Variants in RMDN1 observed in about 807,000 individuals in gnomAD.
RMDN1 encodes regulator of microtubule dynamics protein 1.
A neutral mutation model predicts 48.9 loss-of-function variants in RMDN1; 48 were observed. That is an observed-to-expected ratio of 0.98 (90% CI 0.78 to 1.25). The LOEUF is 1.25. RMDN1 is among the 50% of genes most tolerant of loss of function. The pLI is 0.00. For missense variants in RMDN1, 418 were observed against 373.4 expected, an observed-to-expected ratio of 1.12 and a Z score of -0.98; for synonymous variants, 148 against 132.6, an observed-to-expected ratio of 1.12 and a Z score of -0.80.
chr8:86,511,196 C>G (rs1319261821), upstream of RMDN1, among the ~76,000 whole-genome samples: 1 of 151,584 alleles, frequency 6.6e-6, no homozygotes, highest in Non-Finnish European at 1.5e-5. Flanking sequence ...TAAAGAAGTT[C>G]GGGCACGGTG....
chr8:86,492,403 A>G (rs1816660416), intron 2 of RMDN1, among the ~76,000 whole-genome samples: 1 of 152,090 alleles, frequency 6.6e-6, no homozygotes. Flanking sequence ...TTACAATCCT[A>G]GCACTTTGGG....
At chr8:86,472,012 T>C (rs1812638259), downstream of RMDN1, among the ~76,000 whole-genome samples, 1 of 152,216 alleles carries the variant, frequency 6.6e-6, no homozygotes, top group Non-Finnish European at 1.5e-5. Flanking sequence ...AATTTGAATA[T>C]GGGTAGATAT....
At chr8:86,485,083 A>G (rs1815238824) in intron 4 of RMDN1, 122 bp from the exon 5 acceptor site, 3 of 566,296 alleles carry the variant, frequency 5.3e-6, no homozygotes, top group Non-Finnish European at 9.2e-6. Context: ...GAGCATAAAA[A>G]CTGTATTAAA....
chr8:86,500,785 A>G (rs1818080000), intron 2 of RMDN1, among the ~76,000 whole-genome samples: 1 of 152,188 alleles, frequency 6.6e-6, no homozygotes, highest in South Asian at 2.1e-4. Context: ...AACACATGCA[A>G]TCAACTGAGA....
At chr8:86,501,475 C>G (rs1184341743) in intron 2 of RMDN1, among the ~76,000 whole-genome samples, 2 of 152,044 alleles carry the variant, frequency 1.3e-5, no homozygotes, top group Non-Finnish European at 2.9e-5. Context: ...GAGTTCAAGA[C>G]CAGCCCAGAC....
rs114919509 is a variant in RMDN1, at chr8:86,505,118, G to A, written c.247+1877C>T. 44 of 1,339,428 alleles carry A rather than the reference G, an allele frequency of 3.3e-5. 1 individual carries two copies. In the Middle Eastern group the frequency reaches 3.3e-3, roughly 100 times the overall value. The allele number at this position is 1,339,428 out of a possible 1,614,324, so 83.0% of individuals were successfully genotyped here. On this transcript the variant is annotated intron_variant, in intron 2 of 9. Coordinates refer to ENST00000406452, the MANE Select transcript of RMDN1 (RefSeq NM_016033.3). ...CAGCATGGGAAAGCCACCTCTCCCT[G>A]AATGAGAGACCTCATCAGGATGAAC... is the stretch of plus-strand genomic sequence containing the variant.
downstream of RMDN1, chr8:86,468,411 G>C (rs1369113332): frequency 2.2e-6 from 1 of 448,854 alleles, no homozygotes; most frequent in African/African-American, 2.0e-5. Flanking sequence ...GAACACTCTG[G>C]TAATTTTCAA....
intron 5 of RMDN1, chr8:86,482,154 C>T: frequency 2.1e-6 from 1 of 476,470 alleles, no homozygotes; most frequent in Non-Finnish European, 3.8e-6. Context: ...GTAATCTCAG[C>T]ATTTTGGGAG....
chr8:86,490,114 T>G (rs1417661004), intron 2 of RMDN1, among the ~76,000 whole-genome samples: 2 of 152,218 alleles, frequency 1.3e-5, no homozygotes, highest in East Asian at 3.8e-4. Context: ...TATTCTATAT[T>G]TTTATCGGAT....
chr8:86,489,755 G>A (rs78435601), intron 2 of RMDN1, among the ~76,000 whole-genome samples: 40,006 of 150,998 alleles, frequency 0.26, 6,170 homozygotes, highest in East Asian at 0.53. Flanking sequence ...GCTTGAACCC[G>A]GGAAGCAGAG....
chr8:86,474,358 T>C lies in RMDN1; in HGVS notation c.895A>G (p.Ile299Val). 4 of 1,608,030 alleles carry C rather than the reference T, an allele frequency of 2.5e-6. No homozygotes were observed. The highest frequency in any genetic ancestry group is 2.2e-5 in the East Asian group (1 of 44,772). ...AGCAACTGAGCAGCTTCTGTCTGTATCTAAAATGGAAAAATACATGTTATA... is the reference window on the plus strand; with the variant it reads ...AGCAACTGAGCAGCTTCTGTCTGTACCTAAAATGGAAAAATACATGTTATA... ...YPAHTEEDKQ[I>V]QTEAAQLLTS... Residue 299 changes from isoleucine (I) to valine (V), a missense_variant and splice_region_variant, in exon 10 of 10, where the codon ATA (isoleucine) becomes GTA (valine). Coordinates refer to ENST00000406452, the MANE Select transcript of RMDN1 (RefSeq NM_016033.3).
At chr8:86,493,469 C>T (rs934749617) in intron 2 of RMDN1, among the ~76,000 whole-genome samples, 9 of 152,240 alleles carry the variant, frequency 5.9e-5, no homozygotes, top group African/African-American at 1.9e-4. Context: ...AAGTAGCACA[C>T]ATACACAAAT....
upstream of RMDN1, among the ~76,000 whole-genome samples, chr8:86,512,723 T>C (rs201628332): frequency 8.8e-6 from 1 of 113,740 alleles, no homozygotes; most frequent in Non-Finnish European, 1.9e-5. Context: ...GCAATGCACA[T>C]AGTGTTTGTT....
At chr8:86,494,877 G>A (rs1817071440) in intron 2 of RMDN1, 1 of 400,690 alleles carries the variant, frequency 2.5e-6, no homozygotes, top group Non-Finnish European at 4.8e-6. Flanking sequence ...GGGAGGCTGA[G>A]GTGGGAGGAT....
Position 86,486,489 on chromosome 8 carries a change from G to A in RMDN1, c.490C>T (p.His164Tyr). The change falls in exon 4 of 10, where the codon CAT (histidine) becomes TAT (tyrosine). Residue 164 changes from histidine to tyrosine, a missense_variant. Coordinates refer to ENST00000406452, the MANE Select transcript of RMDN1 (RefSeq NM_016033.3). ...LEKNESSFAS[H>Y]KWYAICLSDV... is the part of the protein sequence containing the mutation. ...AGCTTAGTTAAGCAACTCACCTTAT[G>A]AGATGCAAAACTTGATTCATTTTTT... 1 of 1,596,832 alleles carries A rather than the reference G, an allele frequency of 6.3e-7. No homozygotes were observed.
intron 5 of RMDN1, among the ~76,000 whole-genome samples, chr8:86,480,846 C>T (rs1322782949): frequency 6.6e-6 from 1 of 151,914 alleles, no homozygotes; most frequent in Non-Finnish European, 1.5e-5. Context: ...TTCTTGTATG[C>T]AGATTTTGTT....
rs34599016 is a variant in RMDN1, at chr8:86,484,718, CAAAAAAA to C, written c.585+147_585+153del. The C allele has an allele frequency of 7.6e-5, 21 of 274,598 alleles. 1 individual carries two copies. The South Asian group carries it at 1.1e-3, about 14-fold the overall frequency. The allele number at this position is 274,598 out of a possible 1,614,324, so 17.0% of individuals were successfully genotyped here. A position where few individuals can be genotyped will look rare whatever the true frequency, so the allele number is the denominator to read the frequency against. On this transcript the variant is annotated intron_variant, in intron 5 of 9. Transcript: ENST00000406452. ...GGATGACAAGAGCGAAACTCCGTCTCAAAAAAAAAAAAAAAAAGAAATAACAAACTGT... is the reference window on the plus strand; with the variant it reads ...GGATGACAAGAGCGAAACTCCGTCTCAAAAAAAAAAGAAATAACAAACTGT...
downstream of RMDN1, chr8:86,468,682 T>C (rs1380559796): frequency 4.4e-6 from 2 of 456,192 alleles, no homozygotes; most frequent in Non-Finnish European, 8.8e-6. Context: ...GAAATTACGA[T>C]GCACTAGGTG....
Position 86,487,015 on chromosome 8 carries a change from A to G in RMDN1, c.336-372T>C, listed in dbSNP as rs374730403. On this transcript the variant is annotated intron_variant, in intron 3 of 9. Transcript: ENST00000406452. ...CTCACTCAGTAGTTCATACAGTATC[A>G]TAAAATACATAAATTTTATAGACAG... Among the ~76,000 whole-genome samples the G allele has an allele frequency of 2.1e-4, 32 of 152,368 alleles. 1 individual carries two copies. The South Asian group carries it at 3.3e-3, about 16-fold the overall frequency.
Sources: gnomAD v4.1 joint callset for allele counts (sites outside exome capture counted in the v4.1 genomes callset) on GRCh38, gnomAD v4.1.1 for gene constraint, MANE v1.5 for transcripts, NCBI Gene and HGNC (gene_info 2026-07-23, HGNC 2026-07-21) for gene names.